The following ROBO2 variants were observed in gnomAD, a reference collection of about 807,000 sequenced individuals.
ROBO2 encodes roundabout guidance receptor 2.
Under a neutral mutation model 160.8 loss-of-function variants are expected in ROBO2, and 53 were observed. That is an observed-to-expected ratio of 0.33 (90% confidence interval 0.26 to 0.41). The LOEUF is 0.41. ROBO2 is among the 10% of genes least tolerant of loss of function. ROBO2 has a pLI of 1.00. For synonymous variants in ROBO2, 664 were observed against 611.7 expected (o/e 1.09, Z -1.26); for missense variants, 1,577 against 1,722.4 (o/e 0.92, Z 1.49).
intron 2 of ROBO2, among the ~76,000 whole-genome samples, chr3:76,155,260 T>C (rs1365725219): frequency 6.6e-6 from 1 of 152,174 alleles, no homozygotes; most frequent in Non-Finnish European, 1.5e-5. Flanking sequence ...ATGTGCCTAC[T>C]GATGAAAGAA....
intron 2 of ROBO2, among the ~76,000 whole-genome samples, chr3:77,393,798 A>G (rs1365760706): frequency 6.6e-6 from 1 of 151,834 alleles, no homozygotes; most frequent in African/African-American, 2.4e-5. Flanking sequence ...ATTTAACTCA[A>G]TCAATGTGGT....
At chr3:76,257,740 A>G (rs1035815268) in intron 2 of ROBO2, among the ~76,000 whole-genome samples, 2 of 151,878 alleles carry the variant, frequency 1.3e-5, no homozygotes, top group Non-Finnish European at 2.9e-5. Context: ...TGTACTCTCC[A>G]TATTGTATGT....
At chr3:75,956,378 T>A (rs1948723231) in intron 2 of ROBO2, among the ~76,000 whole-genome samples, 2 of 151,708 alleles carry the variant, frequency 1.3e-5, no homozygotes, top group South Asian at 4.1e-4. Context: ...ACCTGCTCTC[T>A]GGATTGTGAG....
chr3:76,207,934 GTTTAACACCAGCACC>G (rs756088161), intron 2 of ROBO2, among the ~76,000 whole-genome samples: 23 of 152,158 alleles, frequency 1.5e-4, no homozygotes, highest in Non-Finnish European at 2.9e-4. Context: ...CTCATAAGTG[GTTTAACACCAGCACC>G]TTCAGTGCTG....
chr3:76,321,500 A>AAACAAC (rs78497819), intron 2 of ROBO2, among the ~76,000 whole-genome samples: 3 of 150,318 alleles, frequency 2.0e-5, no homozygotes, highest in Admixed American at 6.6e-5. Flanking sequence ...CCATCTCAAA[A>AAACAAC]AACAACAACA....
At chr3:77,585,719 T>A (rs936633546) in intron 16 of ROBO2, among the ~76,000 whole-genome samples, 2 of 152,072 alleles carry the variant, frequency 1.3e-5, no homozygotes, top group African/African-American at 2.4e-5. Flanking sequence ...CTGAGAAGCC[T>A]TCTAATTGTT....
intron 2 of ROBO2, among the ~76,000 whole-genome samples, chr3:77,217,081 A>ATCTT (rs530992491): frequency 7.0e-4 from 106 of 151,816 alleles, no homozygotes; most frequent in African/African-American, 1.4e-3. Flanking sequence ...AAGGCCCTTA[A>ATCTT]TCTTTCTTTC....
chr3:76,688,032 C>T (rs902512326), intron 2 of ROBO2, among the ~76,000 whole-genome samples: 21 of 151,592 alleles, frequency 1.4e-4, no homozygotes, highest in African/African-American at 5.1e-4. Context: ...TATTTTTTCT[C>T]CTTATTAGCT....
chr3:77,188,966 TGTGAGA>T (rs952580761), intron 2 of ROBO2, among the ~76,000 whole-genome samples: 4 of 124,972 alleles, frequency 3.2e-5, no homozygotes, highest in Admixed American at 2.4e-4. Context: ...TGTGTGTGTG[TGTGAGA>T]GAGAGAGAGA....
Position 76,364,402 on chromosome 3 carries a change from T to G in ROBO2, c.109+426800T>G, listed in dbSNP as rs868824570. The stretch of plus-strand genomic sequence containing the variant: ...TCTTTATGATGTGTCTGTCATTAGA[T>G]GTGAGCTTCATGAAAGCAAGCACTT... On this transcript the variant is annotated intron_variant, in intron 2 of 26. Transcript: ENST00000487694. Among the ~76,000 whole-genome samples the G allele has an allele frequency of 2.6e-5, 4 of 152,096 alleles. No individual in the cohort carries two copies. In the South Asian group the frequency reaches 8.3e-4, roughly 31 times the overall value.
chr3:77,580,020 T>G (rs1350839142), exon 16 of ROBO2: 1 of 1,613,838 alleles, frequency 6.2e-7, no homozygotes. Flanking sequence ...TCCGTAATAA[T>G]TGGTGGATTA....
rs78068386 is a variant in ROBO2, at chr3:77,504,127, C to G, written c.806+10745C>G. On this transcript the variant is annotated intron_variant, in intron 5 of 25. Transcript: ENST00000461745. ...GAGTCCTTGCCGAGAAATTAGAAGT[C>G]CCTCTGAGAAGTGATTCATCATATA... Among the ~76,000 whole-genome samples, 549 of 152,162 alleles carry G rather than the reference C, an allele frequency of 3.6e-3. 1 individual carries two copies. The highest frequency in any genetic ancestry group is 5.1e-3 in the Non-Finnish European group (346 of 68,006).
chr3:75,914,964 T>C (rs886406926), intron 1 of ROBO2, among the ~76,000 whole-genome samples: 6 of 152,300 alleles, frequency 3.9e-5, no homozygotes, highest in African/African-American at 1.2e-4. Flanking sequence ...CCCACATCAC[T>C]GGGGACATAT....
chr3:77,351,961 G>T (rs112689464), intron 2 of ROBO2, among the ~76,000 whole-genome samples: 22,878 of 151,640 alleles, frequency 0.15, 2,032 homozygotes, highest in Middle Eastern at 0.23. Context: ...GTGGGGGCAG[G>T]GGGGAGGGTG....
intron 2 of ROBO2, among the ~76,000 whole-genome samples, chr3:77,284,891 C>G (rs2060479328): frequency 6.6e-6 from 1 of 152,054 alleles, no homozygotes. Flanking sequence ...TTAACCGTAC[C>G]TCACTTCCAT....
chr3:77,090,057 T>C (rs967727473), intron 1 of ROBO2, among the ~76,000 whole-genome samples: 1 of 152,176 alleles, frequency 6.6e-6, no homozygotes, highest in Admixed American at 6.5e-5. Context: ...ACTAATTCTT[T>C]GGAAATCTAG....
At chr3:76,789,508 T>C (rs2063210122) in intron 2 of ROBO2, among the ~76,000 whole-genome samples, 1 of 151,568 alleles carries the variant, frequency 6.6e-6, no homozygotes, top group Admixed American at 6.6e-5. Context: ...TGTTGTCTGA[T>C]TGCCTTCCTT....
intron 1 of ROBO2, among the ~76,000 whole-genome samples, chr3:77,066,116 A>T (rs909427261): frequency 3.5e-4 from 53 of 152,044 alleles, no homozygotes; most frequent in Middle Eastern, 3.2e-3. Context: ...CAATTTGGTG[A>T]TCGATAACAG....
rs572775482 is a variant in ROBO2, at chr3:76,358,650, A to G, written c.109+421048A>G. ...GAAAGAGAAAGGAGAGGAATTGACAACGAGTAATTACATGTACATTTGCTC... is the reference window on the plus strand; with the variant it reads ...GAAAGAGAAAGGAGAGGAATTGACAGCGAGTAATTACATGTACATTTGCTC... On this transcript the variant is annotated intron_variant, in intron 2 of 26. Coordinates refer to the ROBO2 transcript ENST00000487694. Among the ~76,000 whole-genome samples the G allele has an allele frequency of 3.5e-4, 54 of 152,168 alleles. No homozygotes were observed. In the Middle Eastern group the frequency reaches 0.01, roughly 29 times the overall value.
Sources: allele counts gnomAD v4.1 joint callset (sites outside exome capture counted in the v4.1 genomes callset), GRCh38; gene constraint gnomAD v4.1.1; transcripts MANE v1.5; gene names NCBI Gene and HGNC (gene_info 2026-07-23, HGNC 2026-07-21).